RBFOX1: variants seen among roughly 807,000 people sequenced by gnomAD.
RBFOX1 encodes RNA binding protein fox-1 homolog 1.
In RBFOX1, 8 loss-of-function variants were observed where a neutral mutation model predicts 57.7. The ratio of observed to expected loss-of-function variants is 0.14; its 90% CI spans 0.08 to 0.25. The LOEUF is 0.25. RBFOX1 is among the 10% of genes least tolerant of loss of function. The probability of loss-of-function intolerance (pLI) is 1.00; values close to 1 mark genes in which losing one functional copy is unlikely to be tolerated. For missense variants in RBFOX1, 611 were observed against 548.5 expected, an observed-to-expected ratio of 1.11 and a Z score of -1.14; for synonymous variants, 326 against 222.4, an observed-to-expected ratio of 1.47 and a Z score of -4.15.
At chr16:7,453,531 C>CCAAT (rs2057832229) in intron 4 of RBFOX1, among the ~76,000 whole-genome samples, 1 of 152,112 alleles carries the variant, frequency 6.6e-6, no homozygotes, top group African/African-American at 2.4e-5. Context: ...CTTTAGAAGG[C>CCAAT]ATTGTGTTCA....
intron 3 of RBFOX1, among the ~76,000 whole-genome samples, chr16:6,818,292 C>A (rs549372860): frequency 6.6e-6 from 1 of 152,002 alleles, no homozygotes; most frequent in African/African-American, 2.4e-5. Context: ...CCTGTGTGTG[C>A]GTCTTTCATT....
intron 1 of RBFOX1, among the ~76,000 whole-genome samples, chr16:6,176,001 A>G (rs2097004004): frequency 6.6e-6 from 1 of 152,052 alleles, no homozygotes; most frequent in African/African-American, 2.4e-5. Flanking sequence ...AGGTATTGGT[A>G]TTTCTTTTTC....
At chr16:6,674,351 TCA>T (rs2098787302) in intron 3 of RBFOX1, among the ~76,000 whole-genome samples, 1 of 152,024 alleles carries the variant, frequency 6.6e-6, no homozygotes, top group Non-Finnish European at 1.5e-5. Flanking sequence ...AGTCAGAGTC[TCA>T]CTCTGTTGCC....
intron 2 of RBFOX1, among the ~76,000 whole-genome samples, chr16:6,531,212 G>A (rs780096339): frequency 7.2e-5 from 11 of 152,072 alleles, no homozygotes; most frequent in African/African-American, 9.7e-5. Context: ...TTTCTCCAGC[G>A]CTCAGGGACA....
At chr16:6,884,641 G>C (rs1304907427) in intron 3 of RBFOX1, among the ~76,000 whole-genome samples, 3 of 152,176 alleles carry the variant, frequency 2.0e-5, no homozygotes, top group Admixed American at 2.0e-4. Flanking sequence ...GCTCACACCT[G>C]TAATCCCAGC....
chr16:6,389,049 C>G (rs866892472), intron 2 of RBFOX1, among the ~76,000 whole-genome samples: 1 of 152,134 alleles, frequency 6.6e-6, no homozygotes, highest in South Asian at 2.1e-4. Flanking sequence ...AGTAAATTCC[C>G]TTTTTTTAGT....
chr16:5,452,200 C>T (rs1053805734), intron 1 of RBFOX1, among the ~76,000 whole-genome samples: 1 of 150,314 alleles, frequency 6.7e-6, no homozygotes, highest in African/African-American at 2.5e-5. Flanking sequence ...CTCACTGCAA[C>T]CTCTGCTTCT....
At chr16:6,786,789 A>T (rs1199351393) in intron 3 of RBFOX1, among the ~76,000 whole-genome samples, 1 of 152,202 alleles carries the variant, frequency 6.6e-6, no homozygotes, top group East Asian at 1.9e-4. Flanking sequence ...GGAAGTGGAC[A>T]TGAGGTCACA....
In RBFOX1 at chr16:7,308,626, C is replaced by A. The variant is rs2096246553; in HGVS notation, c.28-209521C>A. On this transcript the variant is annotated intron_variant, in intron 4 of 15. Transcript: ENST00000550418. ...AAGTGGTTTGTACAAAGGGTAATTCCCAGTAAATGAAGCCATTGCTCACTG... is the reference window on the plus strand; with the variant it reads ...AAGTGGTTTGTACAAAGGGTAATTCACAGTAAATGAAGCCATTGCTCACTG... Among the ~76,000 whole-genome samples, 3 of 152,116 alleles carry A rather than the reference C, an allele frequency of 2.0e-5. No individual in the cohort carries two copies. In the South Asian group the frequency reaches 6.2e-4, roughly 32 times the overall value.
At chr16:6,636,859 A>C (rs530530777) in intron 2 of RBFOX1, among the ~76,000 whole-genome samples, 1 of 118,134 alleles carries the variant, frequency 8.5e-6, no homozygotes, top group African/African-American at 3.3e-5. Flanking sequence ...TATAATATAT[A>C]ATATATATTA....
intron 3 of RBFOX1, among the ~76,000 whole-genome samples, chr16:6,871,684 T>G (rs2060912449): frequency 6.6e-6 from 1 of 152,140 alleles, no homozygotes; most frequent in Non-Finnish European, 1.5e-5. Context: ...CCTCCACTCT[T>G]GTCCCCATTA....
At chr16:6,179,313 A>G (rs191438448) in intron 1 of RBFOX1, among the ~76,000 whole-genome samples, 113 of 152,310 alleles carry the variant, frequency 7.4e-4, no homozygotes, top group African/African-American at 2.6e-3. Flanking sequence ...TTTACTTTCT[A>G]GAAGGCTGGA....
chr16:7,205,491 T>A (rs1215178890), intron 4 of RBFOX1, among the ~76,000 whole-genome samples: 2 of 143,904 alleles, frequency 1.4e-5, no homozygotes, highest in South Asian at 2.2e-4. Flanking sequence ...CCAGCCTGGG[T>A]GATAGAGTGA....
intron 4 of RBFOX1, among the ~76,000 whole-genome samples, chr16:7,072,626 C>G (rs1203017434): frequency 2.6e-5 from 4 of 152,070 alleles, no homozygotes; most frequent in Non-Finnish European, 5.9e-5. Context: ...GAAAGCTGCC[C>G]TAGGAAGAGA....
chr16:5,528,628 T>C (rs1159843606), intron 2 of RBFOX1, among the ~76,000 whole-genome samples: 1 of 147,792 alleles, frequency 6.8e-6, no homozygotes, highest in Non-Finnish European at 1.5e-5. Flanking sequence ...CCTTCTCTCC[T>C]TCCTTCCCTT....
chr16:6,814,507 G>C (rs1473087487), intron 3 of RBFOX1, among the ~76,000 whole-genome samples: 1 of 152,128 alleles, frequency 6.6e-6, no homozygotes, highest in Admixed American at 6.5e-5. Flanking sequence ...TGGGAGACAG[G>C]CATTGATCAA....
chr16:6,614,742 G>C (rs1007955706), intron 2 of RBFOX1, among the ~76,000 whole-genome samples: 2 of 152,006 alleles, frequency 1.3e-5, no homozygotes, highest in Non-Finnish European at 2.9e-5. Flanking sequence ...TCTTCGTGTG[G>C]CATTTTCCAT....
At chr16:6,455,387 G>A (rs1038942129) in intron 2 of RBFOX1, among the ~76,000 whole-genome samples, 6 of 152,136 alleles carry the variant, frequency 3.9e-5, no homozygotes, top group South Asian at 2.1e-4. Flanking sequence ...CTCTGCGGTC[G>A]TGGGAAAGGC....
At chr16:6,058,879 T>G (rs866838222) in intron 1 of RBFOX1, among the ~76,000 whole-genome samples, 3 of 142,136 alleles carry the variant, frequency 2.1e-5, no homozygotes, top group Admixed American at 1.4e-4. Context: ...CATCCATCCA[T>G]CCAGCTATCA....
Sources: allele counts gnomAD v4.1 joint callset (sites outside exome capture counted in the v4.1 genomes callset), GRCh38; gene constraint gnomAD v4.1.1; transcripts MANE v1.5; gene names NCBI Gene and HGNC (gene_info 2026-07-23, HGNC 2026-07-21).